The following KMT2E variants were observed in gnomAD, a reference collection of about 807,000 sequenced individuals.
KMT2E encodes histone reader KMT2E.
A neutral mutation model predicts 184.6 loss-of-function variants in KMT2E; 30 were observed. The ratio of observed to expected loss-of-function variants is 0.16; its 90% CI spans 0.12 to 0.22. The LOEUF (loss-of-function observed/expected upper bound fraction) is 0.22. Among genes scored for constraint, KMT2E ranks in the 10% least tolerant of loss-of-function variants. The probability of loss-of-function intolerance (pLI) is 1.00; values close to 1 mark genes in which losing one functional copy is unlikely to be tolerated. For synonymous variants in KMT2E, 815 were observed against 776.5 expected, an observed-to-expected ratio of 1.05 and a Z score of -0.82; for missense variants, 2,023 against 2,237.4, an observed-to-expected ratio of 0.90 and a Z score of 1.93.
In KMT2E at chr7:105,113,504, G is replaced by A. The variant is rs531700695; in HGVS notation, c.*171G>A. 306 of 711,836 alleles carry A rather than the reference G, an allele frequency of 4.3e-4. 3 individuals are homozygous for A. In the East Asian group the frequency reaches 8.7e-3, roughly 20 times the overall value. 44.1% of individuals were successfully genotyped at this position (711,836 alleles called of 1,614,324 possible). On this transcript the variant is annotated 3_prime_UTR_variant, in exon 27 of 27. Transcript: ENST00000311117. ...GCTTTTTAAAATTCCTTTAAAAAATGTGCTGTTAAGCCAGTATTAGGTATC... is the reference window on the plus strand; with the variant it reads ...GCTTTTTAAAATTCCTTTAAAAAATATGCTGTTAAGCCAGTATTAGGTATC...
chr7:105,108,685 C>G, intron 22 of KMT2E: 1 of 454,966 alleles, frequency 2.2e-6, no homozygotes, highest in Non-Finnish European at 4.1e-6. Flanking sequence ...ATTTCCTCAT[C>G]TATAAAATGG....
chr7:105,033,729 G>A (rs1029555155), intron 1 of KMT2E, among the ~76,000 whole-genome samples: 3 of 152,074 alleles, frequency 2.0e-5, no homozygotes, highest in Admixed American at 1.3e-4. Flanking sequence ...TCGATCTCCT[G>A]ACCTCGTGAT....
chr7:105,104,216 T>C (rs1040988355), intron 17 of KMT2E: 1 of 152,196 alleles, frequency 6.6e-6, no homozygotes, highest in Non-Finnish European at 1.5e-5. Flanking sequence ...TTTTTTAAAG[T>C]AGTAATTTAT....
Position 105,014,503 on chromosome 7 carries a change from G to T in KMT2E, c.-221G>T, listed in dbSNP as rs555880892. On this transcript the variant is annotated 5_prime_UTR_variant, in exon 1 of 27. Transcript: ENST00000311117. The stretch of plus-strand genomic sequence containing the variant: ...ACTCCTTGGGGGTCGAGCACATAAC[G>T]GGGTTCGGGTGTCTCGTGTGTGAAC... 1.3e-5 allele frequency: 2 copies of T among 152,606 alleles called. No homozygotes were observed. Among genetic ancestry groups the T allele is most frequent in the East Asian group, 3.9e-4 (2 of 5,176 alleles). The allele number at this position is 152,606 out of a possible 1,614,324, so 9.5% of individuals were successfully genotyped here.
chr7:105,029,762 A>G (rs1358597356), intron 1 of KMT2E, among the ~76,000 whole-genome samples: 1 of 152,066 alleles, frequency 6.6e-6, no homozygotes, highest in Non-Finnish European at 1.5e-5. Flanking sequence ...GATGGCAGAT[A>G]TAGATATACA....
At chr7:105,110,685 A>ATAG in intron 25 of KMT2E, 83 bp downstream of exon 25, 2 of 1,593,018 alleles carry the variant, frequency 1.3e-6, no homozygotes, top group South Asian at 1.1e-5. Context: ...GTTGGTTTGG[A>ATAG]TAGTAGAATG....
At chr7:105,070,441 G>C (rs767373319) in intron 6 of KMT2E, among the ~76,000 whole-genome samples, 2 of 151,560 alleles carry the variant, frequency 1.3e-5, no homozygotes, top group Non-Finnish European at 2.9e-5. Flanking sequence ...GACCAGCCTA[G>C]GCAACATGGC....
intron 15 of KMT2E, among the ~76,000 whole-genome samples, chr7:105,094,529 A>G (rs1289866433): frequency 6.6e-6 from 1 of 152,198 alleles, no homozygotes; most frequent in African/African-American, 2.4e-5. Flanking sequence ...GTTTCCTTTG[A>G]GCACCATGTT....
intron 1 of KMT2E, among the ~76,000 whole-genome samples, chr7:105,022,397 G>A (rs890684775): frequency 4.6e-5 from 7 of 151,800 alleles, no homozygotes; most frequent in Non-Finnish European, 7.4e-5. Flanking sequence ...TTGGTCTTAA[G>A]GTTTCTTCAT....
intron 20 of KMT2E, 82 bp downstream of exon 20, chr7:105,106,854 C>A: frequency 7.5e-7 from 1 of 1,331,314 alleles, no homozygotes; most frequent in Non-Finnish European, 1.1e-6. Flanking sequence ...CCTCCTTTAA[C>A]AACTAGTGTG....
chr7:105,111,425 G>A (rs1157493279), intron 26 of KMT2E, among the ~76,000 whole-genome samples: 1 of 151,916 alleles, frequency 6.6e-6, no homozygotes, highest in Non-Finnish European at 1.5e-5. Flanking sequence ...GAGGGAGCAA[G>A]TTCATTTACC....
chr7:105,074,618 G>A, intron 7 of KMT2E, 25 bp from the exon 8 acceptor site: 1 of 1,446,382 alleles, frequency 6.9e-7, no homozygotes, highest in Non-Finnish European at 9.2e-7. Flanking sequence ...TATTAAATGT[G>A]CAATAATTTT....
chr7:105,090,236 A>G lies in KMT2E; in HGVS notation c.1586A>G (p.Lys529Arg). The G allele has an allele frequency of 6.2e-7, 1 of 1,603,462 alleles. No homozygotes were observed. The highest frequency in any genetic ancestry group is 1.1e-5 in the South Asian group (1 of 88,470). The change falls in exon 14 of 27, where the codon AAG becomes AGG. Residue 529 changes from lysine (K) to arginine (R), a missense_variant. Around this residue, in one of 8 missense-constraint regions of KMT2E, gnomAD observed 514 missense variants for 621.8 expected, o/e 0.83. Coordinates refer to ENST00000311117, the MANE Select transcript of KMT2E (RefSeq NM_182931.3). ...KMKSPETKQR[K>R]LSPLRLSVSN... The stretch of plus-strand genomic sequence containing the variant: ...AAGAGCCCAGAAACTAAACAAAGAA[A>G]GCTTTCTCCACTGAGACTATCAGTA...
At chr7:105,031,414 C>T (rs989799769) in intron 1 of KMT2E, among the ~76,000 whole-genome samples, 3 of 151,344 alleles carry the variant, frequency 2.0e-5, no homozygotes, top group African/African-American at 7.3e-5. Flanking sequence ...AAAATAATTG[C>T]CAACTTCATT....
chr7:105,092,979 A>C (rs1798267070), intron 15 of KMT2E, among the ~76,000 whole-genome samples: 1 of 152,156 alleles, frequency 6.6e-6, no homozygotes, highest in South Asian at 2.1e-4. Context: ...AGATCACTTC[A>C]GCCCAGGAGT....
chr7:105,033,546 T>G (rs960576859), intron 1 of KMT2E, among the ~76,000 whole-genome samples: 1 of 152,214 alleles, frequency 6.6e-6, no homozygotes, highest in Admixed American at 6.5e-5. Context: ...TCGCCCAGTC[T>G]GGAGTGCAGT....
rs1323387447 is a variant in KMT2E at position 105,112,778 on chromosome 7, A to G, written c.5022A>G (p.Gly1674=). The G allele has an allele frequency of 6.2e-7, 1 of 1,611,946 alleles. No individual in the cohort carries two copies. The highest frequency in any genetic ancestry group is 1.7e-5 in the Admixed American group (1 of 59,820). ...PGSHIHSQTA[G]HHLPPPPPPP... ...CGCATATTCATTCTCAAACTGCTGGACACCACTTACCCCCACCCCCACCCC... is the reference window on the plus strand; with the variant it reads ...CGCATATTCATTCTCAAACTGCTGGGCACCACTTACCCCCACCCCCACCCC... Residue 1674 remains glycine (G), a synonymous_variant, in exon 27 of 27, where the codon GGA becomes GGG. Coordinates refer to ENST00000311117, the MANE Select transcript of KMT2E (RefSeq NM_182931.3).
At chr7:105,081,820 A>T in intron 13 of KMT2E, 23 bp downstream of exon 13, 3 of 980,304 alleles carry the variant, frequency 3.1e-6, no homozygotes, top group Non-Finnish European at 4.7e-6. Flanking sequence ...CTATAAATGT[A>T]ATCTGTTGTT....
At position 105,112,244 on chromosome 7, in the gene KMT2E, A is replaced by C; in HGVS notation, c.4488A>C (p.Gln1496His). Residue 1496 changes from glutamine to histidine, a missense_variant, in exon 27 of 27, where the codon CAA becomes CAC. Coordinates refer to ENST00000311117, the MANE Select transcript of KMT2E (RefSeq NM_182931.3). ...TTGGAACACCTCAGCGAGAGCCTCA[A>C]AGAAACTTTTATCCAGCAGCACAGA... Reference protein sequence around the residue: ...PQVGTPQREPQRNFYPAAQNL... With the variant: ...PQVGTPQREPHRNFYPAAQNL... The C allele has an allele frequency of 6.2e-7, 1 of 1,614,166 alleles. No homozygotes were observed. The highest frequency in any genetic ancestry group is 1.7e-5 in the Admixed American group (1 of 60,024).
Sources: gnomAD v4.1 joint callset for allele counts (sites outside exome capture counted in the v4.1 genomes callset) on GRCh38, gnomAD v4.1.1 for gene constraint, gnomAD v4.1.1 regional missense constraint, MANE v1.5 for transcripts, NCBI Gene and HGNC (gene_info 2026-07-23, HGNC 2026-07-21) for gene names.